UBE2G1: variants seen among roughly 807,000 people sequenced by gnomAD.
The protein encoded by UBE2G1 is ubiquitin-conjugating enzyme E2 G1.
A neutral mutation model predicts 22.7 loss-of-function variants in UBE2G1; 5 were observed. That is an observed-to-expected ratio of 0.22 (90% CI 0.12 to 0.46). The LOEUF (loss-of-function observed/expected upper bound fraction) is 0.46, where lower values mean the gene tolerates loss of function less well. UBE2G1 is among the 20% of genes least tolerant of loss of function. The probability of loss-of-function intolerance (pLI) is 0.99; values close to 1 mark genes in which losing one functional copy is unlikely to be tolerated. For missense variants in UBE2G1, 88 were observed against 203.9 expected (o/e 0.43, Z 3.46); for synonymous variants, 74 against 67.5 (o/e 1.10, Z -0.47).
chr17:4,351,904 GTTA>G (rs1235642182), intron 1 of UBE2G1, among the ~76,000 whole-genome samples: 1 of 152,286 alleles, frequency 6.6e-6, no homozygotes, highest in African/African-American at 2.4e-5. Flanking sequence ...ATCACCAATA[GTTA>G]TTAGTTCCCC....
intron 1 of UBE2G1, among the ~76,000 whole-genome samples, chr17:4,363,669 G>A (rs1969993680): frequency 6.6e-6 from 1 of 152,044 alleles, no homozygotes; most frequent in Non-Finnish European, 1.5e-5. Flanking sequence ...AGAATTCAGA[G>A]AGGCCGGGCC....
At chr17:4,329,338 G>A in intron 1 of UBE2G1, among the ~76,000 whole-genome samples, 1 of 150,900 alleles carries the variant, frequency 6.6e-6, no homozygotes, top group South Asian at 2.1e-4. Context: ...GGCGGAGGTT[G>A]CAGTGAGCAG....
intron 1 of UBE2G1, among the ~76,000 whole-genome samples, chr17:4,350,240 C>T (rs915153720): frequency 6.6e-6 from 1 of 152,132 alleles, no homozygotes; most frequent in African/African-American, 2.4e-5. Context: ...AAGGGTGGAT[C>T]ACCTGAGGTC....
intron 4 of UBE2G1, among the ~76,000 whole-genome samples, chr17:4,284,969 C>T (rs72829369): frequency 8.5e-4 from 129 of 151,418 alleles, no homozygotes; most frequent in Non-Finnish European, 1.6e-3. Flanking sequence ...CCTCAGCCTC[C>T]GAAGCGTCTA....
intron 5 of UBE2G1, among the ~76,000 whole-genome samples, chr17:4,276,114 A>C (rs565676396): frequency 6.6e-6 from 1 of 152,078 alleles, no homozygotes; most frequent in South Asian, 2.1e-4. Context: ...TTGCAATGTC[A>C]CCAGCAGCCC....
chr17:4,353,582 G>A (rs8067816), intron 1 of UBE2G1, among the ~76,000 whole-genome samples: 54,908 of 149,374 alleles, frequency 0.37, 10,483 homozygotes, highest in African/African-American at 0.48. Flanking sequence ...CTGCAACCTC[G>A]GTTCAAGAGG....
In UBE2G1 at chr17:4,302,054, G is replaced by A. The variant is rs573987266; in HGVS notation, c.149+4967C>T. On this transcript the variant is annotated intron_variant, in intron 2 of 5. Coordinates refer to ENST00000396981, the MANE Select transcript of UBE2G1 (RefSeq NM_003342.5). ...AACAACAACAACAAAAAAAGGGGGG[G>A]GAAGTTTTTACATTAACTGATGTAA... 5.8e-4 allele frequency: 290 copies of A among 499,672 alleles called. 5 individuals carry two copies. Among genetic ancestry groups the A allele is most frequent in the South Asian group, 3.6e-3 (238 of 66,916 alleles). The allele number at this position is 499,672 out of a possible 1,614,324, so 31.0% of individuals were successfully genotyped here. A position where few individuals can be genotyped will look rare whatever the true frequency, so the allele number is the denominator to read the frequency against.
At chr17:4,325,005 A>G (rs1969487249) in intron 1 of UBE2G1, among the ~76,000 whole-genome samples, 2 of 152,102 alleles carry the variant, frequency 1.3e-5, no homozygotes, top group South Asian at 2.1e-4. Flanking sequence ...TGAACCCAGG[A>G]GGCAAAGCTT....
At chr17:4,290,298 T>C (rs1027416266) in intron 3 of UBE2G1, among the ~76,000 whole-genome samples, 2 of 152,210 alleles carry the variant, frequency 1.3e-5, no homozygotes, top group Non-Finnish European at 1.5e-5. Context: ...ACTTATCCTA[T>C]ATAGTCTAAC....
At chr17:4,343,240 C>G (rs1969730793) in intron 1 of UBE2G1, among the ~76,000 whole-genome samples, 1 of 152,014 alleles carries the variant, frequency 6.6e-6, no homozygotes, top group Non-Finnish European at 1.5e-5. Flanking sequence ...TTCAAAGTAC[C>G]AACATAAGGT....
intron 3 of UBE2G1, 92 bp from the exon 4 acceptor site, chr17:4,289,500 A>G: frequency 7.5e-7 from 1 of 1,336,320 alleles, no homozygotes; most frequent in Non-Finnish European, 9.9e-7. Flanking sequence ...TTCACACAGT[A>G]CCTTTATCAA....
chr17:4,320,627 T>A (rs949752412), intron 1 of UBE2G1, among the ~76,000 whole-genome samples: 2 of 152,204 alleles, frequency 1.3e-5, no homozygotes, highest in African/African-American at 4.8e-5. Context: ...ACTTTGATTT[T>A]TTAAATTATG....
chr17:4,312,440 T>C (rs1159380290), intron 1 of UBE2G1, among the ~76,000 whole-genome samples: 1 of 151,604 alleles, frequency 6.6e-6, no homozygotes, highest in Admixed American at 6.6e-5. Flanking sequence ...CTGAGAAAGG[T>C]AAGCCAGTGA....
chr17:4,304,642 C>A (rs1969227658), intron 2 of UBE2G1, among the ~76,000 whole-genome samples: 1 of 151,964 alleles, frequency 6.6e-6, no homozygotes. Context: ...AATGATGGCA[C>A]AGAGAGATAA....
intron 1 of UBE2G1, among the ~76,000 whole-genome samples, chr17:4,344,976 T>A (rs1208730304): frequency 1.3e-5 from 2 of 152,230 alleles, no homozygotes; most frequent in African/African-American, 4.8e-5. Context: ...TTTATGTGGC[T>A]AAGAAATGAA....
chr17:4,342,354 G>A (rs1969721457), intron 1 of UBE2G1, among the ~76,000 whole-genome samples: 1 of 152,168 alleles, frequency 6.6e-6, no homozygotes, highest in Non-Finnish European at 1.5e-5. Flanking sequence ...TCTAGGCCAG[G>A]CGCAGTAGCT....
chr17:4,309,087 C>A (rs1249711322), intron 1 of UBE2G1, among the ~76,000 whole-genome samples: 1 of 152,124 alleles, frequency 6.6e-6, no homozygotes, highest in Non-Finnish European at 1.5e-5. Flanking sequence ...TGGTGAAACC[C>A]TGTCTTTAGT....
At chr17:4,357,691 T>C (rs73330873) in intron 1 of UBE2G1, among the ~76,000 whole-genome samples, 2,478 of 152,066 alleles carry the variant, frequency 0.016, 73 homozygotes, top group African/African-American at 0.056. Context: ...ATTCTGTCAT[T>C]TCAAGAATTT....
At chr17:4,314,707 G>A (rs1393377648) in intron 1 of UBE2G1, among the ~76,000 whole-genome samples, 1 of 152,142 alleles carries the variant, frequency 6.6e-6, no homozygotes, top group Non-Finnish European at 1.5e-5. Context: ...AGATATTACA[G>A]TCTCCTGAAA....
Sources: gnomAD v4.1 joint callset for allele counts (sites outside exome capture counted in the v4.1 genomes callset) on GRCh38, gnomAD v4.1.1 for gene constraint, MANE v1.5 for transcripts, NCBI Gene and HGNC (gene_info 2026-07-23, HGNC 2026-07-21) for gene names.